Variants in CTNNA3 observed in about 807,000 individuals in gnomAD.
CTNNA3 encodes the protein catenin alpha 3, also known as catenin alpha-3.
A neutral mutation model predicts 95.7 loss-of-function variants in CTNNA3; 76 were observed. The observed-to-expected ratio is 0.79, with a 90% CI of 0.66 to 0.96. CTNNA3 has a LOEUF of 0.96. CTNNA3 is among the 40% of genes least tolerant of loss of function. The probability of loss-of-function intolerance (pLI) is 0.00; values close to 1 mark genes in which losing one functional copy is unlikely to be tolerated. For missense variants in CTNNA3, 1,191 were observed against 1,089.8 expected (o/e 1.09, Z -1.31); for synonymous variants, 431 against 374.4 (o/e 1.15, Z -1.74).
intron 7 of CTNNA3, among the ~76,000 whole-genome samples, chr10:67,093,498 G>C (rs1401864010): frequency 1.3e-5 from 2 of 151,916 alleles, no homozygotes; most frequent in Non-Finnish European, 2.9e-5. Context: ...AAAGTCACTT[G>C]ATGGTTATGT....
At chr10:66,839,983 A>C (rs1842994581) in intron 7 of CTNNA3, among the ~76,000 whole-genome samples, 2 of 152,126 alleles carry the variant, frequency 1.3e-5, no homozygotes, top group Non-Finnish European at 2.9e-5. Flanking sequence ...TTCACCCATT[A>C]ATTAGCTCTG....
intron 8 of CTNNA3, among the ~76,000 whole-genome samples, chr10:66,768,784 CA>C (rs9331404): frequency 0.014 from 2,077 of 150,596 alleles, 47 homozygotes; most frequent in African/African-American, 0.047. Flanking sequence ...AGACTGACAG[CA>C]AAAAAAAAAA....
chr10:66,776,172 A>T (rs1840290536), intron 7 of CTNNA3, among the ~76,000 whole-genome samples: 1 of 152,180 alleles, frequency 6.6e-6, no homozygotes, highest in Non-Finnish European at 1.5e-5. Flanking sequence ...AAGCACATAG[A>T]GAGTCACCTT....
At chr10:66,195,572 G>A (rs1000068206) in intron 13 of CTNNA3, among the ~76,000 whole-genome samples, 2 of 152,198 alleles carry the variant, frequency 1.3e-5, no homozygotes, top group African/African-American at 4.8e-5. Context: ...ACCAGGTGCT[G>A]CAACAGAAGC....
intron 5 of CTNNA3, among the ~76,000 whole-genome samples, chr10:67,427,500 CA>C (rs1589279462): frequency 2.6e-5 from 4 of 151,864 alleles, no homozygotes; most frequent in Admixed American, 1.3e-4. Context: ...TGTAAAAATT[CA>C]AAAAACTCAT....
At chr10:66,327,823 C>A (rs2092274635) in intron 12 of CTNNA3, among the ~76,000 whole-genome samples, 1 of 151,912 alleles carries the variant, frequency 6.6e-6, no homozygotes, top group Admixed American at 6.6e-5. Flanking sequence ...TTTTATGTGT[C>A]AATTTATAAA....
intron 7 of CTNNA3, among the ~76,000 whole-genome samples, chr10:67,037,216 A>G (rs1854114221): frequency 6.6e-6 from 1 of 152,190 alleles, no homozygotes; most frequent in South Asian, 2.1e-4. Context: ...GTTTACTTGT[A>G]AGTAATGTGT....
intron 7 of CTNNA3, among the ~76,000 whole-genome samples, chr10:67,158,139 T>C (rs936569336): frequency 6.6e-6 from 1 of 152,084 alleles, no homozygotes; most frequent in Non-Finnish European, 1.5e-5. Flanking sequence ...GTTGTGTTAC[T>C]GGCACTATTA....
At chr10:66,499,872 C>T (rs1006793189) in intron 11 of CTNNA3, among the ~76,000 whole-genome samples, 4 of 150,946 alleles carry the variant, frequency 2.6e-5, no homozygotes, top group Non-Finnish European at 5.9e-5. Context: ...GCACGATCTC[C>T]GCTCACTGCA....
intron 10 of CTNNA3, among the ~76,000 whole-genome samples, chr10:66,588,790 C>G (rs1443362966): frequency 6.6e-6 from 1 of 152,022 alleles, no homozygotes; most frequent in Non-Finnish European, 1.5e-5. Context: ...CTTGGGTAAT[C>G]TAAGGTACAA....
intron 1 of CTNNA3, among the ~76,000 whole-genome samples, chr10:67,714,306 G>C (rs111552877): frequency 0.036 from 5,417 of 152,360 alleles, 101 homozygotes; most frequent in Middle Eastern, 0.085. Flanking sequence ...CAGGGGCAGA[G>C]CTGCCCAAGA....
intron 7 of CTNNA3, among the ~76,000 whole-genome samples, chr10:66,944,195 A>G (rs1242723089): frequency 6.6e-6 from 1 of 152,352 alleles, no homozygotes; most frequent in Middle Eastern, 3.4e-3. Flanking sequence ...GCTTCATCAA[A>G]TAAGTTTATA....
intron 5 of CTNNA3, among the ~76,000 whole-genome samples, chr10:67,293,733 T>C (rs946210178): frequency 1.3e-4 from 19 of 145,118 alleles, no homozygotes; most frequent in African/African-American, 4.8e-4. Flanking sequence ...GTTCTCATTG[T>C]TCAATTCCCA....
At chr10:67,171,430 C>G (rs567619216) in intron 7 of CTNNA3, among the ~76,000 whole-genome samples, 2 of 151,924 alleles carry the variant, frequency 1.3e-5, no homozygotes, top group Non-Finnish European at 2.9e-5. Context: ...TAAAATCAGA[C>G]GGGTGTGGTG....
chr10:67,200,605 TATCAAGTC>T (rs1863602688), intron 6 of CTNNA3, among the ~76,000 whole-genome samples: 1 of 152,160 alleles, frequency 6.6e-6, no homozygotes, highest in African/African-American at 2.4e-5. Context: ...TAGGAGTCTG[TATCAAGTC>T]AAAATTCTTT....
intron 15 of CTNNA3, among the ~76,000 whole-genome samples, chr10:66,065,393 T>A (rs1189364375): frequency 6.6e-6 from 1 of 152,102 alleles, no homozygotes; most frequent in Admixed American, 6.6e-5. Context: ...GTCTCAAAAA[T>A]CTTGTCATGA....
At chr10:67,004,594 G>A (rs114908690) in intron 7 of CTNNA3, among the ~76,000 whole-genome samples, 5 of 151,742 alleles carry the variant, frequency 3.3e-5, no homozygotes, top group Non-Finnish European at 7.4e-5. Flanking sequence ...ACCTTGATCC[G>A]TTCTAATAGA....
At chr10:67,177,260 T>A (rs1198176657) in intron 7 of CTNNA3, among the ~76,000 whole-genome samples, 1 of 152,186 alleles carries the variant, frequency 6.6e-6, no homozygotes, top group African/African-American at 2.4e-5. Flanking sequence ...TAAAAAATGA[T>A]CAAGACTTGC....
intron 5 of CTNNA3, among the ~76,000 whole-genome samples, chr10:67,388,693 C>A (rs866770001): frequency 6.6e-6 from 1 of 151,858 alleles, no homozygotes; most frequent in African/African-American, 2.4e-5. Flanking sequence ...GGAAGCCCAT[C>A]AGACTAACAG....
Sources: gnomAD v4.1 joint callset for allele counts (sites outside exome capture counted in the v4.1 genomes callset) on GRCh38, gnomAD v4.1.1 for gene constraint, MANE v1.5 for transcripts, NCBI Gene and HGNC (gene_info 2026-07-23, HGNC 2026-07-21) for gene names.